ZNF44: variants seen among roughly 807,000 people sequenced by gnomAD.
ZNF44 encodes the protein gonadotropin inducible transcription repressor-2.
ZNF44 carries 9 observed loss-of-function variants against 11.7 expected under a neutral mutation model. That is an observed-to-expected ratio of 0.77 (90% CI 0.46 to 1.35). The LOEUF is 1.35. ZNF44 is among the 40% of genes most tolerant of loss of function. The pLI is 0.00. For missense variants in ZNF44, 696 were observed against 743.1 expected (o/e 0.94, Z 0.74); for synonymous variants, 224 against 242.7 (o/e 0.92, Z 0.72).
At chr19:12,269,036 G>C (rs1386326104), downstream of ZNF44, among the ~76,000 whole-genome samples, 1 of 151,924 alleles carries the variant, frequency 6.6e-6, no homozygotes, top group African/African-American at 2.4e-5. Flanking sequence ...GAGCCACCAT[G>C]CCTGGGCCCC....
downstream of ZNF44, among the ~76,000 whole-genome samples, chr19:12,270,372 C>G (rs564510844): frequency 6.6e-6 from 1 of 151,922 alleles, no homozygotes; most frequent in Non-Finnish European, 1.5e-5. Flanking sequence ...GATGTTCTTG[C>G]CTTCTAACAC....
intron 5 of ZNF44, chr19:12,266,425 AAACCC>A: frequency 3.8e-6 from 3 of 793,636 alleles, no homozygotes; most frequent in Non-Finnish European, 4.6e-6. Flanking sequence ...GAGGGAAAAA[AAACCC>A]AAACCCACGG....
intron 5 of ZNF44, chr19:12,260,427 T>A: frequency 6.9e-7 from 1 of 1,441,252 alleles, no homozygotes; most frequent in Non-Finnish European, 9.6e-7. Context: ...CAAGAACAAG[T>A]ACCGCCCCGA....
downstream of ZNF44, chr19:12,242,898 AAAC>A (rs1477766051): frequency 1.3e-5 from 2 of 152,134 alleles, no homozygotes; most frequent in Non-Finnish European, 2.9e-5. Context: ...CTAGAAAGGA[AAAC>A]AACAATGCCT....
rs545662068 is a variant in ZNF44 at position 12,293,477 on chromosome 19, T to G, written c.3+1215A>C. 9.9e-5 allele frequency: 114 copies of G among 1,153,232 alleles called. 3 individuals are homozygous for G. In the South Asian group the frequency reaches 2.0e-3, roughly 20 times the overall value. The allele number at this position is 1,153,232 out of a possible 1,614,324, so 71.4% of individuals were successfully genotyped here. On this transcript the variant is annotated intron_variant, in intron 1 of 3. Transcript: ENST00000355684. ...AGATAAAAGAGGCACAAAGGTTTGG[T>G]TTTTTTTACAGCAGTGTCAGGTGGT...
In ZNF44 at chr19:12,273,766, G is replaced by A. The variant is rs372118842; in HGVS notation, c.489C>T (p.His163=). 1.9e-6 allele frequency: 3 copies of A among 1,614,182 alleles called. No homozygotes were observed. Among genetic ancestry groups the A allele is most frequent in the Non-Finnish European group, 2.5e-6 (3 of 1,180,028 alleles). ...TACAATCATAGGGTTTCTTTCCAGTGTGAGGCCTTTCACATGTTTGAAAGG... is the reference window on the plus strand; with the variant it reads ...TACAATCATAGGGTTTCTTTCCAGTATGAGGCCTTTCACATGTTTGAAAGG... The part of the protein sequence containing the change: ...RHSFQTCERP[H]TGKKPYDCKE... The change falls in exon 4 of 4, where the codon CAC becomes CAT. Residue 163 remains histidine (H), a synonymous_variant. Coordinates refer to ENST00000355684, the MANE Select transcript of ZNF44 (RefSeq NM_016264.4).
downstream of ZNF44, chr19:12,247,570 C>A: frequency 7.5e-7 from 1 of 1,341,592 alleles, no homozygotes; most frequent in Non-Finnish European, 9.9e-7. Flanking sequence ...TGGAAACCTG[C>A]AAGAGTAATG....
chr19:12,264,750 C>T (rs769088135), intron 5 of ZNF44, among the ~76,000 whole-genome samples: 5 of 152,088 alleles, frequency 3.3e-5, no homozygotes, highest in Non-Finnish European at 5.9e-5. Flanking sequence ...GGTTGGAGTG[C>T]AGTGGCACAA....
chr19:12,283,726 TAAG>T (rs1967591467), intron 1 of ZNF44, among the ~76,000 whole-genome samples: 1 of 152,188 alleles, frequency 6.6e-6, no homozygotes, highest in African/African-American at 2.4e-5. Context: ...CTAATTACAT[TAAG>T]AAGAAGCAGG....
At chr19:12,253,187 CTTTT>C (rs763591024) in intron 5 of ZNF44, among the ~76,000 whole-genome samples, 2 of 110,240 alleles carry the variant, frequency 1.8e-5, no homozygotes, top group African/African-American at 7.1e-5. Context: ...CTGCACCTGG[CTTTT>C]TTTTTTTTTT....
intron 1 of ZNF44, among the ~76,000 whole-genome samples, chr19:12,287,489 C>T (rs527778495): frequency 6.6e-6 from 1 of 152,296 alleles, no homozygotes; most frequent in African/African-American, 2.4e-5. Flanking sequence ...GCTGGGATTA[C>T]AAGCGTGAGA....
At chr19:12,255,774 T>C (rs1168118152) in intron 5 of ZNF44, among the ~76,000 whole-genome samples, 1 of 152,040 alleles carries the variant, frequency 6.6e-6, no homozygotes, top group African/African-American at 2.4e-5. Flanking sequence ...GCACGGTGGC[T>C]CATTCCTGTA....
At chr19:12,233,476 G>A (rs975308190) in intron 2 of ZNF44, among the ~76,000 whole-genome samples, 1 of 137,208 alleles carries the variant, frequency 7.3e-6, no homozygotes, top group African/African-American at 2.7e-5. Flanking sequence ...AAGGCCCGGA[G>A]AAATTGAACA....
At chr19:12,265,797 A>G (rs1309660071) in intron 5 of ZNF44, among the ~76,000 whole-genome samples, 1 of 152,262 alleles carries the variant, frequency 6.6e-6, no homozygotes, top group Non-Finnish European at 1.5e-5. Context: ...TCTGTGGAAA[A>G]TAGATTATTA....
chr19:12,247,514 T>C, downstream of ZNF44: 1 of 1,349,522 alleles, frequency 7.4e-7, no homozygotes, highest in Non-Finnish European at 9.9e-7. Context: ...TACCACACTG[T>C]TTACATTCAT....
chr19:12,276,205 A>G, intron 1 of ZNF44, 123 bp from the exon 2 acceptor site: 1 of 1,420,374 alleles, frequency 7.0e-7, no homozygotes, highest in Non-Finnish European at 9.7e-7. Context: ...GACGTGGTAA[A>G]TCCACTCTTA....
intron 3 of ZNF44, 39 bp downstream of exon 3, chr19:12,274,934 C>A (rs2459040): frequency 6.8e-7 from 1 of 1,475,770 alleles, no homozygotes; most frequent in Non-Finnish European, 9.3e-7. Flanking sequence ...CTCAGAAACA[C>A]TGCAAGGACA....
intron 3 of ZNF44, among the ~76,000 whole-genome samples, chr19:12,228,959 T>G (rs1224772957): frequency 2.6e-5 from 4 of 152,224 alleles, no homozygotes; most frequent in Non-Finnish European, 5.9e-5. Flanking sequence ...GATTAATAAA[T>G]GCAAACAAAA....
intron 5 of ZNF44, chr19:12,260,134 G>C (rs1223733046): frequency 4.1e-6 from 3 of 728,530 alleles, no homozygotes; most frequent in African/African-American, 3.4e-5. Flanking sequence ...CCATGTCCGC[G>C]CATCTGCAAT....
Sources: gnomAD v4.1 joint callset for allele counts (sites outside exome capture counted in the v4.1 genomes callset) on GRCh38, gnomAD v4.1.1 for gene constraint, MANE v1.5 for transcripts, NCBI Gene and HGNC (gene_info 2026-07-23, HGNC 2026-07-21) for gene names.